The following UACA variants were observed in gnomAD, a reference collection of about 807,000 sequenced individuals.
The protein encoded by UACA is uveal autoantigen with coiled-coil domains and ankyrin repeats, also known as nuclear membrane binding protein.
A neutral mutation model predicts 160.5 loss-of-function variants in UACA; 112 were observed. That is an observed-to-expected ratio of 0.70 (90% CI 0.60 to 0.82). UACA has a LOEUF of 0.82. Among genes scored for constraint, UACA ranks in the 40% least tolerant of loss-of-function variants. UACA has a pLI of 0.00. For synonymous variants in UACA, 557 were observed against 568.4 expected (o/e 0.98, Z 0.29); for missense variants, 1,574 against 1,614.6 (o/e 0.97, Z 0.43).
At chr15:70,755,855 T>C (rs1377372084) in intron 1 of UACA, among the ~76,000 whole-genome samples, 1 of 152,092 alleles carries the variant, frequency 6.6e-6, no homozygotes, top group Non-Finnish European at 1.5e-5. Flanking sequence ...AGCTGTATAA[T>C]TTCACAGCTC....
At chr15:70,683,934 G>A (rs1278647335) in intron 8 of UACA, among the ~76,000 whole-genome samples, 2 of 148,710 alleles carry the variant, frequency 1.3e-5, no homozygotes, top group Admixed American at 6.7e-5. Context: ...TTAAAACTTC[G>A]TAAGTATAAA....
At chr15:70,657,249 C>T (rs929983190) in intron 18 of UACA, 122 bp from the exon 19 acceptor site, 6 of 756,622 alleles carry the variant, frequency 7.9e-6, no homozygotes, top group African/African-American at 3.5e-5. Context: ...AAATCCTCAT[C>T]ATTGTGATTT....
chr15:70,775,877 T>C, the UACA span, among the ~76,000 whole-genome samples: 1 of 152,220 alleles, frequency 6.6e-6, no homozygotes, highest in Non-Finnish European at 1.5e-5. Flanking sequence ...CGCATAGAAA[T>C]TTAACTTAAT....
At chr15:70,760,802 T>C (rs2030707051) in intron 1 of UACA, among the ~76,000 whole-genome samples, 2 of 140,494 alleles carry the variant, frequency 1.4e-5, no homozygotes, top group Non-Finnish European at 3.0e-5. Flanking sequence ...CGAGACTCCG[T>C]CTCAAAAAAA....
chr15:70,677,049 C>G (rs915639447), intron 12 of UACA, 59 bp downstream of exon 12: 12 of 1,336,650 alleles, frequency 9.0e-6, no homozygotes, highest in African/African-American at 1.5e-5. Flanking sequence ...ACCTTTACTA[C>G]TATATCATCT....
chr15:70,671,167 T>C, intron 14 of UACA, 76 bp from the exon 15 acceptor site: 1 of 1,039,572 alleles, frequency 9.6e-7, no homozygotes, highest in Admixed American at 2.2e-5. Flanking sequence ...TTTGATGTTA[T>C]TTCCTTTATT....
chr15:70,712,591 A>C (rs1285952292), intron 1 of UACA, among the ~76,000 whole-genome samples: 1 of 152,192 alleles, frequency 6.6e-6, no homozygotes, highest in Non-Finnish European at 1.5e-5. Context: ...AATGGAGTCC[A>C]AAACTCCCTG....
the UACA span, among the ~76,000 whole-genome samples, chr15:70,768,780 C>G: frequency 2.4e-4 from 36 of 152,066 alleles, no homozygotes; most frequent in African/African-American, 8.5e-4. Context: ...TCAGCACTGT[C>G]AAATAAGTTG....
At chr15:70,702,403 A>C (rs1898398045) in intron 1 of UACA, 1 of 738,042 alleles carries the variant, frequency 1.4e-6, no homozygotes, top group African/African-American at 1.9e-5. Flanking sequence ...TTGACAGCTG[A>C]ATGATAGAAA....
At chr15:70,664,901 A>G in intron 16 of UACA, 87 bp from the exon 17 acceptor site, 1 of 1,269,388 alleles carries the variant, frequency 7.9e-7, no homozygotes, top group Non-Finnish European at 1.1e-6. Context: ...CTTTTTGGAG[A>G]CAGAAGCTTT....
At chr15:70,722,008 A>C (rs913624644) in intron 1 of UACA, among the ~76,000 whole-genome samples, 5 of 152,224 alleles carry the variant, frequency 3.3e-5, no homozygotes, top group African/African-American at 1.2e-4. Flanking sequence ...CTGTATCTCT[A>C]TTCAGTAAGT....
intron 7 of UACA, among the ~76,000 whole-genome samples, chr15:70,687,039 T>G (rs1170346017): frequency 6.6e-6 from 1 of 151,972 alleles, no homozygotes; most frequent in African/African-American, 2.4e-5. Context: ...AGGTTCAGAG[T>G]AGGAGATGGC....
intron 1 of UACA, among the ~76,000 whole-genome samples, chr15:70,752,536 C>T (rs947174466): frequency 6.6e-6 from 1 of 151,936 alleles, no homozygotes; most frequent in Non-Finnish European, 1.5e-5. Context: ...CCCTCCCCCC[C>T]ACCACTTATC....
At chr15:70,739,874 C>G (rs768532397) in intron 1 of UACA, among the ~76,000 whole-genome samples, 2 of 152,160 alleles carry the variant, frequency 1.3e-5, no homozygotes, top group Non-Finnish European at 2.9e-5. Flanking sequence ...TCATCTCCAA[C>G]CCTTCTCTTC....
rs543276465 is a variant in UACA at position 70,690,175 on chromosome 15, A to T, written c.424+279T>A. Among the ~76,000 whole-genome samples the T allele has an allele frequency of 4.6e-5, 7 of 151,198 alleles. 1 individual carries two copies. The South Asian group carries it at 8.4e-4, about 18-fold the overall frequency. On this transcript the variant is annotated intron_variant, in intron 5 of 18. Coordinates refer to ENST00000322954, the MANE Select transcript of UACA (RefSeq NM_018003.4). ...GTTTCCCTCTCTCTCTCTCTCTCAC[A>T]CACACACACACACAGCTTGGAGCTC...
At chr15:70,664,876 G>A in intron 16 of UACA, 62 bp from the exon 17 acceptor site, 1 of 1,432,626 alleles carries the variant, frequency 7.0e-7, no homozygotes, top group Non-Finnish European at 9.4e-7. Flanking sequence ...GAACATCTTT[G>A]TACAGAAATC....
intron 17 of UACA, among the ~76,000 whole-genome samples, chr15:70,663,718 A>G (rs1896801789): frequency 6.6e-6 from 1 of 152,034 alleles, no homozygotes; most frequent in African/African-American, 2.4e-5. Context: ...TGTCCTTTGT[A>G]GGGACATGGA....
chr15:70,744,283 G>A (rs1201001119), intron 1 of UACA, among the ~76,000 whole-genome samples: 1 of 150,416 alleles, frequency 6.6e-6, no homozygotes, highest in Non-Finnish European at 1.5e-5. Flanking sequence ...GAAAAACTAG[G>A]ATGAAGGATA....
chr15:70,658,413 G>A (rs1896560131), intron 18 of UACA, among the ~76,000 whole-genome samples: 1 of 152,118 alleles, frequency 6.6e-6, no homozygotes, highest in Non-Finnish European at 1.5e-5. Flanking sequence ...TCCCTCTACA[G>A]AGATTGTAAC....
Sources: gnomAD v4.1 joint callset for allele counts (sites outside exome capture counted in the v4.1 genomes callset) on GRCh38, gnomAD v4.1.1 for gene constraint, MANE v1.5 for transcripts, NCBI Gene and HGNC (gene_info 2026-07-23, HGNC 2026-07-21) for gene names.